The following ASB14 variants were observed in gnomAD, a reference collection of about 807,000 sequenced individuals.
The protein encoded by ASB14 is ankyrin repeat and SOCS box protein 14.
A neutral mutation model predicts 55.6 loss-of-function variants in ASB14; 63 were observed. The ratio of observed to expected loss-of-function variants is 1.13; its 90% CI spans 0.92 to 1.40. The LOEUF (loss-of-function observed/expected upper bound fraction) is 1.40, where lower values mean the gene tolerates loss of function less well. ASB14 is among the 40% of genes most tolerant of loss of function. The pLI is 0.00. For synonymous variants in ASB14, 256 were observed against 259.9 expected (o/e 0.98, Z 0.15); for missense variants, 724 against 710.4 (o/e 1.02, Z -0.22).
intron 5 of ASB14, among the ~76,000 whole-genome samples, chr3:57,284,094 ATGTGTGTGTGTGTGTG>A (rs147304310): frequency 7.3e-6 from 1 of 136,488 alleles, no homozygotes; most frequent in African/African-American, 2.8e-5. Context: ...AACACTGTGT[ATGTGTGTGTGTGTGTG>A]TGTGTGTGTG....
At chr3:57,275,975 G>T (rs983172646) in intron 10 of ASB14, among the ~76,000 whole-genome samples, 1 of 152,172 alleles carries the variant, frequency 6.6e-6, no homozygotes, top group Non-Finnish European at 1.5e-5. Context: ...AATACAGTAT[G>T]TTTAGGGTTC....
intron 10 of ASB14, 75 bp downstream of exon 10, chr3:57,276,453 T>A: frequency 1.8e-6 from 2 of 1,092,954 alleles, no homozygotes; most frequent in South Asian, 3.3e-5. Flanking sequence ...CATTGAGATT[T>A]TAGTTGGTGG....
At position 57,283,431 on chromosome 3, in the gene ASB14, G is replaced by A. The variant is rs374757132; in HGVS notation, c.478C>T (p.Arg160Cys). Residue 160 changes from arginine to cysteine, a missense_variant, in exon 6 of 11, where the codon CGT (arginine) becomes TGT (cysteine). Arg to Cys is a radical substitution (Grantham distance 180). Transcript: ENST00000487349. ...AAGGCAGCCATGTCATAGCAGTCAC[G>A]CAGCACAGCTGGGAAATGAGAAGTG... ...GNSPLLAAVL[R>C]DCYDMAALLI... The A allele has an allele frequency of 5.7e-5, 88 of 1,551,112 alleles. No individual in the cohort carries two copies. Among genetic ancestry groups the A allele is most frequent in the South Asian group, 9.5e-5 (8 of 84,044 alleles).
chr3:57,284,096 G>GTGTGTA (rs2061061500), intron 5 of ASB14, among the ~76,000 whole-genome samples: 2 of 100,654 alleles, frequency 2.0e-5, no homozygotes, highest in South Asian at 5.2e-4. Flanking sequence ...CACTGTGTAT[G>GTGTGTA]TGTGTGTGTG....
In ASB14 at chr3:57,283,226, T is replaced by C. The variant is rs2061052467; in HGVS notation, c.683A>G (p.His228Arg). The C allele has an allele frequency of 6.4e-7, 1 of 1,552,152 alleles. No homozygotes were observed. Among genetic ancestry groups the C allele is most frequent in the Non-Finnish European group, 8.7e-7 (1 of 1,147,002 alleles). ...CAGTAACATTTCCATGATTTCAGTG[T>C]GTCCACTTTGGGCAGCAAGAGCAAG... Reference protein sequence around the residue: ...TPLALAAQSGHTEIMEMLLRK... With the variant: ...TPLALAAQSGRTEIMEMLLRK... The change falls in exon 6 of 11, where the codon CAC (histidine) becomes CGC (arginine). Residue 228 changes from histidine to arginine, a missense_variant. Coordinates refer to ENST00000487349, the MANE Select transcript of ASB14 (RefSeq NM_001142733.3).
At chr3:57,277,972 C>G in intron 8 of ASB14, 52 bp from the exon 9 acceptor site, 3 of 1,523,728 alleles carry the variant, frequency 2.0e-6, no homozygotes, top group Non-Finnish European at 2.7e-6. Flanking sequence ...CACAAAGTAT[C>G]TATGGTTTAG....
At chr3:57,273,631 T>G (rs2060962849) in intron 10 of ASB14, among the ~76,000 whole-genome samples, 1 of 152,148 alleles carries the variant, frequency 6.6e-6, no homozygotes, top group African/African-American at 2.4e-5. Context: ...GGGAAAAGTT[T>G]GTTATAGAAG....
At chr3:57,284,025 G>A (rs2061059563) in intron 5 of ASB14, among the ~76,000 whole-genome samples, 1 of 150,794 alleles carries the variant, frequency 6.6e-6, no homozygotes, top group East Asian at 2.0e-4. Flanking sequence ...TTAAGTTTCT[G>A]TAAGGAAATG....
Position 57,269,478 on chromosome 3 carries a change from C to A in ASB14, c.*163G>T. On this transcript the variant is annotated 3_prime_UTR_variant, in exon 11 of 11. Transcript: ENST00000487349. ...AGTGGCTCTCAAGAATGTATCTTAA[C>A]TGCATAATTTGCCATTTGACTGCAG... 6.3e-7 allele frequency: 1 copy of A among 1,574,810 alleles called. No homozygotes were observed. Among genetic ancestry groups the A allele is most frequent in the South Asian group, 1.2e-5 (1 of 86,904 alleles).
chr3:57,279,747 C>T (rs1160953370), intron 7 of ASB14, among the ~76,000 whole-genome samples: 1 of 151,886 alleles, frequency 6.6e-6, no homozygotes, highest in Non-Finnish European at 1.5e-5. Flanking sequence ...CTTGGAAGGC[C>T]GGGAGGTTTT....
intron 8 of ASB14, 69 bp from the exon 9 acceptor site, chr3:57,277,989 A>T (rs903514440): frequency 7.2e-7 from 1 of 1,385,722 alleles, no homozygotes; most frequent in African/African-American, 1.4e-5. Context: ...TTAGCATAGT[A>T]GTCAAAGGAG....
At chr3:57,283,492 T>G in intron 5 of ASB14, 53 bp from the exon 6 acceptor site, 1 of 1,500,270 alleles carries the variant, frequency 6.7e-7, no homozygotes, top group Non-Finnish European at 9.0e-7. Flanking sequence ...AAGCCCAAAG[T>G]AGCATATCTG....
At chr3:57,288,650 T>G (rs1267663069) in intron 3 of ASB14, among the ~76,000 whole-genome samples, 1 of 151,576 alleles carries the variant, frequency 6.6e-6, no homozygotes, top group East Asian at 1.9e-4. Flanking sequence ...GAGCTCCTGC[T>G]TCTAGGCTTC....
chr3:57,278,420 TA>T lies in ASB14; in HGVS notation c.1387del (p.Tyr463IlefsTer19). On this transcript the variant is annotated frameshift_variant, in exon 8 of 11. Coordinates refer to ENST00000487349, the MANE Select transcript of ASB14 (RefSeq NM_001142733.3). LOFTEE classifies it high-confidence loss of function. ...TGTAGATGTCCAGCCTTCAACAGTA[TA>T]GGAAGGATGGACTTTGTCTCCATGT... is the stretch of plus-strand genomic sequence containing the variant. ...CPHGDKVHPSYTVEGWTSTVI... is the reference protein window; with the variant it reads ...CPHGDKVHPSXTVEGWTSTVI... 2 of 1,614,120 alleles carry T rather than the reference TA, an allele frequency of 1.2e-6. No homozygotes were observed. The highest frequency in any genetic ancestry group is 2.2e-5 in the South Asian group (2 of 91,082).
rs146163375 is a variant in ASB14 at position 57,276,687 on chromosome 3, G to T, written c.1627C>A (p.Arg543=). The change falls in exon 10 of 11, where the codon CGG becomes AGG. Residue 543 remains arginine, a synonymous_variant. Coordinates refer to ENST00000487349, the MANE Select transcript of ASB14 (RefSeq NM_001142733.3). ...AAATGTAACCGTCCCATGCATTTCC[G>T]GATCTTTAGGCGGCACAAATGTTTT... ...SLKHLCRLKI[R]KCMGRLHLRC... is the part of the protein sequence containing the mutation. 1.2e-6 allele frequency: 2 copies of T among 1,613,802 alleles called. No individual in the cohort carries two copies. Among genetic ancestry groups the T allele is most frequent in the African/African-American group, 1.3e-5 (1 of 74,902 alleles).
intron 10 of ASB14, chr3:57,271,752 G>A (rs2060941614): frequency 6.6e-6 from 1 of 152,190 alleles, no homozygotes; most frequent in South Asian, 2.1e-4. Context: ...GGACAGACCT[G>A]TAGTTCGTTT....
intron 5 of ASB14, among the ~76,000 whole-genome samples, chr3:57,287,241 A>C (rs745584506): frequency 5.9e-5 from 9 of 152,154 alleles, no homozygotes; most frequent in African/African-American, 7.2e-5. Flanking sequence ...CTGTAGGTTT[A>C]ACAACAGGTT....
chr3:57,290,413 GATCC>G (rs2061119713), intron 2 of ASB14, among the ~76,000 whole-genome samples: 1 of 152,162 alleles, frequency 6.6e-6, no homozygotes. Flanking sequence ...CACACTTAAA[GATCC>G]TGTGTTACAC....
intron 9 of ASB14, 99 bp from the exon 10 acceptor site, chr3:57,276,827 G>A: frequency 8.8e-7 from 1 of 1,134,742 alleles, no homozygotes; most frequent in East Asian, 2.5e-5. Flanking sequence ...TTCATTTGCT[G>A]TTACTAAATG....
Sources: gnomAD v4.1 joint callset for allele counts (sites outside exome capture counted in the v4.1 genomes callset) on GRCh38, gnomAD v4.1.1 for gene constraint, MANE v1.5 for transcripts, NCBI Gene and HGNC (gene_info 2026-07-23, HGNC 2026-07-21) for gene names.